Variants in GRIK3 observed in about 807,000 individuals in gnomAD.
GRIK3 encodes the protein glutamate ionotropic receptor kainate type subunit 3, also known as glutamate receptor ionotropic, kainate 3.
In GRIK3, 29 loss-of-function variants were observed where a neutral mutation model predicts 102.5. The observed-to-expected ratio is 0.28, with a 90% CI of 0.21 to 0.39. The LOEUF is 0.39. GRIK3 is among the 10% of genes least tolerant of loss of function. The pLI is 1.00. For synonymous variants in GRIK3, 511 were observed against 504.9 expected (o/e 1.01, Z -0.16); for missense variants, 908 against 1,252.4 (o/e 0.73, Z 4.15).
intron 1 of GRIK3, among the ~76,000 whole-genome samples, chr1:36,964,064 G>A (rs1642055036): frequency 6.6e-6 from 1 of 152,242 alleles, no homozygotes; most frequent in Admixed American, 6.5e-5. Flanking sequence ...ATGGACAAAT[G>A]CATGCAGAGG....
In GRIK3 at chr1:36,872,452, C is replaced by A. The variant is rs370609641; in HGVS notation, c.551-83G>T. ...GCATCCACTTGGACTTGTGTGCACA[C>A]ACATGCCCATGGCCACAGGTCTGCA... is the stretch of plus-strand genomic sequence containing the variant. On this transcript the variant is annotated intron_variant, in intron 3 of 15. Coordinates refer to ENST00000373091, the MANE Select transcript of GRIK3 (RefSeq NM_000831.4). This position sits in a 1 kb window ranked among gnomAD's most constrained non-coding sequence, Gnocchi z 5.9. The A allele has an allele frequency of 3.5e-6, 4 of 1,142,854 alleles. No homozygotes were observed. The highest frequency in any genetic ancestry group is 5.1e-5 in the East Asian group (2 of 39,318). 70.8% of individuals were successfully genotyped at this position (1,142,854 alleles called of 1,614,324 possible).
At chr1:36,854,236 T>C (rs1373472064) in intron 7 of GRIK3, among the ~76,000 whole-genome samples, 8 of 152,176 alleles carry the variant, frequency 5.3e-5, no homozygotes, top group African/African-American at 1.9e-4. Context: ...GAATGCTGGG[T>C]CCAACCACAA....
At position 36,879,101 on chromosome 1, in the gene GRIK3, C is replaced by T. The variant is rs372699878; in HGVS notation, c.550+1533G>A. 4.6e-5 allele frequency among the ~76,000 whole-genome samples: 7 copies of T among 152,192 alleles called. No homozygotes were observed. The South Asian group carries it at 1.3e-3, about 27-fold the overall frequency. On this transcript the variant is annotated intron_variant, in intron 3 of 15. Transcript: ENST00000373091. The stretch of plus-strand genomic sequence containing the variant: ...TTTGTGACTTATGGCAGACCATTAG[C>T]TCTCTGTACATAGAGCTACATGGAG...
intron 2 of GRIK3, among the ~76,000 whole-genome samples, chr1:36,886,977 G>A (rs1005940509): frequency 3.3e-5 from 5 of 152,026 alleles, no homozygotes; most frequent in African/African-American, 4.8e-5. Flanking sequence ...AATTATATCC[G>A]AATCTATCCA....
chr1:36,884,446 A>G (rs111295815), intron 2 of GRIK3, among the ~76,000 whole-genome samples: 22 of 152,158 alleles, frequency 1.4e-4, no homozygotes, highest in African/African-American at 5.3e-4. Flanking sequence ...GGTGTTGCAT[A>G]TCTTCCCCGA....
intron 1 of GRIK3, among the ~76,000 whole-genome samples, chr1:36,893,313 T>C (rs2124275135): frequency 6.6e-6 from 1 of 152,292 alleles, no homozygotes; most frequent in East Asian, 1.9e-4. Context: ...TCTTATTTTA[T>C]AAAAAGCTCT....
intron 1 of GRIK3, among the ~76,000 whole-genome samples, chr1:36,989,436 A>C (rs755851108): frequency 1.2e-4 from 19 of 152,158 alleles, no homozygotes; most frequent in Non-Finnish European, 2.6e-4. Flanking sequence ...TCAACAACAC[A>C]CAAGCACCTT....
intron 1 of GRIK3, among the ~76,000 whole-genome samples, chr1:36,992,881 A>G (rs573054520): frequency 6.6e-6 from 1 of 152,318 alleles, no homozygotes; most frequent in Non-Finnish European, 1.5e-5. Flanking sequence ...GGAACTGGAC[A>G]GTCTGATCCC....
intron 1 of GRIK3, among the ~76,000 whole-genome samples, chr1:36,991,605 GGA>G (rs931804012): frequency 3.4e-4 from 51 of 152,212 alleles, no homozygotes; most frequent in African/African-American, 1.2e-3. Flanking sequence ...CACCAGCCAG[GGA>G]GAGACTGGAA....
chr1:36,906,721 G>GTAGGCA (rs1641288795), intron 1 of GRIK3, among the ~76,000 whole-genome samples: 1 of 152,250 alleles, frequency 6.6e-6, no homozygotes, highest in Non-Finnish European at 1.5e-5. Flanking sequence ...ATGTGTCACA[G>GTAGGCA]TAGGCACAGT....
chr1:36,931,029 C>T (rs575764674), intron 1 of GRIK3, among the ~76,000 whole-genome samples: 32 of 152,272 alleles, frequency 2.1e-4, no homozygotes, highest in East Asian at 7.7e-4. Context: ...CTTCTAGGTG[C>T]GGGGCCTGCC....
At chr1:36,922,621 C>T (rs536576778) in intron 1 of GRIK3, among the ~76,000 whole-genome samples, 2 of 152,286 alleles carry the variant, frequency 1.3e-5, no homozygotes, top group South Asian at 2.1e-4. Flanking sequence ...GGGGGCCATG[C>T]GCTTATTTAT....
At position 36,850,328 on chromosome 1, in the gene GRIK3, T is replaced by C; in HGVS notation, c.1309A>G (p.Ile437Val). 2 of 1,604,710 alleles carry C rather than the reference T, an allele frequency of 1.2e-6. No individual in the cohort carries two copies. The highest frequency in any genetic ancestry group is 1.7e-6 in the Non-Finnish European group (2 of 1,171,416). The change falls in exon 9 of 16, where the codon ATT becomes GTT. Residue 437 changes from isoleucine to valine, a missense_variant. Physicochemically the swap from Ile to Val is conservative, Grantham distance 29. Coordinates refer to ENST00000373091, the MANE Select transcript of GRIK3 (RefSeq NM_000831.4). The surrounding 1 kb of genome is among the most constrained non-coding windows in gnomAD (Gnocchi z 4.0). ...GCTCTTACCAGCACTGTGGTGACAA[T>C]GAGTGATCTGTTTGTCAGAGAGTCG... ...VTDSLTNRSL[I>V]VTTVLEEPFV...
At chr1:36,868,805 G>A (rs1640813683) in intron 5 of GRIK3, among the ~76,000 whole-genome samples, 1 of 152,224 alleles carries the variant, frequency 6.6e-6, no homozygotes, top group Non-Finnish European at 1.5e-5. Context: ...TTTTCTGTAA[G>A]ACTGCCTCAA....
chr1:36,987,920 T>C (rs1183568996), intron 1 of GRIK3, among the ~76,000 whole-genome samples: 1 of 152,216 alleles, frequency 6.6e-6, no homozygotes, highest in African/African-American at 2.4e-5. Context: ...AGATGGCAAG[T>C]GCCTGCTTTA....
chr1:36,961,517 C>T (rs1392662841), intron 1 of GRIK3, among the ~76,000 whole-genome samples: 1 of 152,172 alleles, frequency 6.6e-6, no homozygotes, highest in East Asian at 1.9e-4. Flanking sequence ...CCACAGCCCA[C>T]GAGCAAGCAC....
At chr1:36,835,184 CA>C (rs1448347125) in intron 10 of GRIK3, among the ~76,000 whole-genome samples, 2 of 152,234 alleles carry the variant, frequency 1.3e-5, no homozygotes, top group African/African-American at 4.8e-5. Context: ...CCCTCTCAGG[CA>C]GCCTTTCAGA....
intron 1 of GRIK3, among the ~76,000 whole-genome samples, chr1:37,018,392 A>C (rs561528810): frequency 6.6e-6 from 1 of 152,204 alleles, no homozygotes; most frequent in East Asian, 1.9e-4. Context: ...CCCCGATTCT[A>C]CTGGGACCTT....
At chr1:36,911,813 G>A (rs1489295976) in intron 1 of GRIK3, among the ~76,000 whole-genome samples, 1 of 152,036 alleles carries the variant, frequency 6.6e-6, no homozygotes, top group African/African-American at 2.4e-5. Flanking sequence ...GCTGTGGAGG[G>A]GCCCTGTGAG....
Sources: allele counts gnomAD v4.1 joint callset (sites outside exome capture counted in the v4.1 genomes callset), GRCh38; gene constraint gnomAD v4.1.1; non-coding constraint Gnocchi (gnomAD v3.1); transcripts MANE v1.5; gene names NCBI Gene and HGNC (gene_info 2026-07-23, HGNC 2026-07-21).